TMEM132D: variants seen among roughly 807,000 people sequenced by gnomAD.
TMEM132D encodes mature OL transmembrane protein.
A neutral mutation model predicts 62.3 loss-of-function variants in TMEM132D; 21 were observed. The observed-to-expected ratio is 0.34, with a 90% confidence interval of 0.24 to 0.49. TMEM132D has a LOEUF of 0.49. Ranked by LOEUF, TMEM132D falls within the 20% of genes least tolerant of loss-of-function variation. The pLI is 0.99. For missense variants in TMEM132D, 1,346 were observed against 1,402.8 expected (o/e 0.96, Z 0.65); for synonymous variants, 621 against 575.6 (o/e 1.08, Z -1.13).
intron 1 of TMEM132D, among the ~76,000 whole-genome samples, chr12:129,721,039 C>A (rs990919708): frequency 1.3e-5 from 2 of 152,174 alleles, no homozygotes; most frequent in African/African-American, 2.4e-5. Context: ...ACCACAGGTG[C>A]AGAGAAGTCC....
intron 3 of TMEM132D, among the ~76,000 whole-genome samples, chr12:129,505,022 C>T (rs373354059): frequency 7.2e-5 from 11 of 152,096 alleles, no homozygotes; most frequent in South Asian, 2.1e-4. Flanking sequence ...TGCATGGTTT[C>T]GAAGGTTTCT....
intron 2 of TMEM132D, among the ~76,000 whole-genome samples, chr12:129,578,424 GTA>G (rs1555219553): frequency 9.3e-5 from 14 of 150,578 alleles, no homozygotes; most frequent in Middle Eastern, 3.5e-3. Flanking sequence ...GTGTGTGTGT[GTA>G]TATATATATA....
intron 2 of TMEM132D, among the ~76,000 whole-genome samples, chr12:129,607,753 AAAT>A (rs1476408196): frequency 1.3e-5 from 2 of 152,204 alleles, no homozygotes; most frequent in Non-Finnish European, 2.9e-5. Flanking sequence ...ACGTATTTTT[AAAT>A]GCCTTTTTCT....
At chr12:129,084,872 G>A (rs1874565681) in intron 5 of TMEM132D, 170 bp from the exon 6 acceptor site, 1 of 610,242 alleles carries the variant, frequency 1.6e-6, no homozygotes, top group Admixed American at 3.1e-5. Context: ...TGTTGCTTTT[G>A]AGTAATAATA....
chr12:129,708,374 G>T (rs368630947), intron 1 of TMEM132D, among the ~76,000 whole-genome samples: 2 of 152,038 alleles, frequency 1.3e-5, no homozygotes, highest in African/African-American at 2.4e-5. Flanking sequence ...CCCTTCACCA[G>T]CTAAATACAA....
At chr12:129,177,896 C>T (rs933577146) in intron 5 of TMEM132D, among the ~76,000 whole-genome samples, 3 of 152,178 alleles carry the variant, frequency 2.0e-5, no homozygotes, top group Non-Finnish European at 2.9e-5. Context: ...TGTCCATTAG[C>T]TATTCTTCCT....
At chr12:129,459,692 A>G (rs895606559) in intron 3 of TMEM132D, among the ~76,000 whole-genome samples, 2 of 152,228 alleles carry the variant, frequency 1.3e-5, no homozygotes, top group East Asian at 1.9e-4. Flanking sequence ...TCATGAAATC[A>G]TGGGTTATTC....
intron 1 of TMEM132D, among the ~76,000 whole-genome samples, chr12:129,717,361 T>C (rs1868625179): frequency 6.6e-6 from 1 of 152,328 alleles, no homozygotes; most frequent in Middle Eastern, 3.4e-3. Context: ...GCACTGAAGT[T>C]ACACAGAAAT....
intron 3 of TMEM132D, among the ~76,000 whole-genome samples, chr12:129,410,755 C>T (rs1234961114): frequency 6.6e-6 from 1 of 152,056 alleles, no homozygotes; most frequent in East Asian, 1.9e-4. Flanking sequence ...ATTTTTTTAA[C>T]TTTTAAGTTC....
At chr12:129,340,918 T>C (rs919745834) in intron 3 of TMEM132D, among the ~76,000 whole-genome samples, 3 of 152,210 alleles carry the variant, frequency 2.0e-5, no homozygotes, top group Admixed American at 2.0e-4. Context: ...CGTGATTTTC[T>C]GGAAAGATTC....
At chr12:129,249,106 A>G (rs576127141) in intron 4 of TMEM132D, among the ~76,000 whole-genome samples, 1 of 152,332 alleles carries the variant, frequency 6.6e-6, no homozygotes. Context: ...TCTCATCCTC[A>G]AAGATCCCGG....
At chr12:129,449,923 A>G (rs763068532) in intron 3 of TMEM132D, among the ~76,000 whole-genome samples, 16 of 152,174 alleles carry the variant, frequency 1.1e-4, no homozygotes, top group South Asian at 2.1e-4. Context: ...AACAATTTTG[A>G]CTCTAAAAGA....
intron 2 of TMEM132D, among the ~76,000 whole-genome samples, chr12:129,553,099 C>T (rs1464540885): frequency 6.6e-6 from 1 of 152,204 alleles, no homozygotes; most frequent in African/African-American, 2.4e-5. Flanking sequence ...CCTTTCAAGG[C>T]CAGGCTCTTC....
At chr12:129,630,420 T>G (rs1212377930) in intron 2 of TMEM132D, among the ~76,000 whole-genome samples, 1 of 140,826 alleles carries the variant, frequency 7.1e-6, no homozygotes, top group South Asian at 2.2e-4. Flanking sequence ...CATTTTCACA[T>G]TCTTGATATG....
chr12:129,275,948 G>A (rs554262062), intron 4 of TMEM132D, among the ~76,000 whole-genome samples: 29 of 152,346 alleles, frequency 1.9e-4, no homozygotes, highest in Admixed American at 6.5e-4. Context: ...TAGGAACAGC[G>A]TGGGCCATGC....
intron 3 of TMEM132D, among the ~76,000 whole-genome samples, chr12:129,441,853 G>C (rs1395241546): frequency 6.6e-6 from 1 of 152,120 alleles, no homozygotes; most frequent in Non-Finnish European, 1.5e-5. Context: ...GGATGCAGTG[G>C]GAGGCTGTTA....
At position 129,074,902 on chromosome 12, in the gene TMEM132D, G is replaced by T. The variant is rs201186278; in HGVS notation, c.2273C>A (p.Ala758Glu). Residue 758 changes from alanine to glutamate, a missense_variant, in exon 9 of 9, where the codon GCG becomes GAG. By Grantham distance (107) the Ala-to-Glu change is moderately radical. Transcript: ENST00000422113. ...DPKFKWPIIA[A>E]ETEGQGTLVK... ...CAGGGTGCCTTGTCCTTCTGTTTCC[G>T]CAGCAATGATAGGCCACTTGAATTT... is the stretch of plus-strand genomic sequence containing the variant. 6.2e-7 allele frequency: 1 copy of T among 1,613,808 alleles called. No individual in the cohort carries two copies.
At chr12:129,353,878 G>A (rs1022859123) in intron 3 of TMEM132D, among the ~76,000 whole-genome samples, 7 of 151,892 alleles carry the variant, frequency 4.6e-5, no homozygotes, top group African/African-American at 1.7e-4. Context: ...GTGTGGATTT[G>A]GAGGCATCTC....
Position 129,894,681 on chromosome 12 carries a change from A to G in TMEM132D, c.79+8580T>C, listed in dbSNP as rs138829248. On this transcript the variant is annotated intron_variant, in intron 1 of 8. Transcript: ENST00000422113. ...CCTGGCCTTCCAGGCCTCCGCTTCC[A>G]TAAGACACATTGACAAGACACCCCA... Among the ~76,000 whole-genome samples, 544 of 152,302 alleles carry G rather than the reference A, an allele frequency of 3.6e-3. 3 individuals carry two copies. Among genetic ancestry groups the G allele is most frequent in the African/African-American group, 0.012 (495 of 41,570 alleles).
Sources: allele counts gnomAD v4.1 joint callset (sites outside exome capture counted in the v4.1 genomes callset), GRCh38; gene constraint gnomAD v4.1.1; transcripts MANE v1.5; gene names NCBI Gene and HGNC (gene_info 2026-07-23, HGNC 2026-07-21).